SEMA6A: variants seen among roughly 807,000 people sequenced by gnomAD.
SEMA6A encodes the protein semaphorin-6A.
In SEMA6A, 25 loss-of-function variants were observed where a neutral mutation model predicts 96.8. The ratio of observed to expected loss-of-function variants is 0.26; its 90% CI spans 0.19 to 0.36. The LOEUF is 0.36. SEMA6A is among the 10% of genes least tolerant of loss of function. The pLI is 1.00. For missense variants in SEMA6A, 1,363 were observed against 1,323.1 expected (o/e 1.03, Z -0.47); for synonymous variants, 612 against 518.0 (o/e 1.18, Z -2.46).
intron 10 of SEMA6A, among the ~76,000 whole-genome samples, chr5:116,484,868 G>T (rs1162335908): frequency 6.6e-6 from 1 of 152,202 alleles, no homozygotes; most frequent in Non-Finnish European, 1.5e-5. Flanking sequence ...ATCAGCCCAT[G>T]GCACAGGCTG....
intron 18 of SEMA6A, among the ~76,000 whole-genome samples, chr5:116,462,348 C>G (rs1402935887): frequency 6.6e-6 from 1 of 152,042 alleles, no homozygotes; most frequent in East Asian, 1.9e-4. Flanking sequence ...ATTGCCAGGC[C>G]GGGCAACACT....
intron 18 of SEMA6A, among the ~76,000 whole-genome samples, chr5:116,459,855 A>G (rs970314355): frequency 6.6e-6 from 1 of 152,160 alleles, no homozygotes; most frequent in Non-Finnish European, 1.5e-5. Flanking sequence ...TGAAATTCAA[A>G]TTAGTATCTT....
chr5:116,475,412 G>A, intron 16 of SEMA6A, 133 bp downstream of exon 16: 1 of 557,008 alleles, frequency 1.8e-6, no homozygotes, highest in Non-Finnish European at 3.1e-6. Flanking sequence ...TTGGTATTTA[G>A]AAGATGATTT....
intron 6 of SEMA6A, among the ~76,000 whole-genome samples, chr5:116,494,514 C>G (rs62376160): frequency 0.071 from 10,772 of 152,174 alleles, 411 homozygotes; most frequent in African/African-American, 0.091. Flanking sequence ...TTTGAAGACA[C>G]GGGGTCATCC....
At chr5:116,563,770 A>G (rs1760914570) in intron 1 of SEMA6A, among the ~76,000 whole-genome samples, 1 of 152,178 alleles carries the variant, frequency 6.6e-6, no homozygotes, top group Non-Finnish European at 1.5e-5. Flanking sequence ...CCTCCATTCC[A>G]TGTCTTTTGT....
chr5:116,495,534 GTT>G lies in SEMA6A; in HGVS notation c.343-22_343-21del. 6.6e-7 allele frequency: 1 copy of G among 1,513,428 alleles called. No homozygotes were observed. Among genetic ancestry groups the G allele is most frequent in the Non-Finnish European group, 9.1e-7 (1 of 1,104,814 alleles). The allele number at this position is 1,513,428 out of a possible 1,614,324, so 93.7% of individuals were successfully genotyped here. On this transcript the variant is annotated intron_variant, in intron 5 of 18. Transcript: ENST00000343348. The stretch of plus-strand genomic sequence containing the variant: ...CTCATCCTGAAAAATAATTCAAACT[GTT>G]TTGTATCATGTCCATTCAGTACAGA...
intron 10 of SEMA6A, 51 bp downstream of exon 10, chr5:116,486,698 G>T: frequency 6.8e-7 from 1 of 1,473,070 alleles, no homozygotes; most frequent in Non-Finnish European, 9.5e-7. Context: ...CCCCCTGGGA[G>T]AAGGAAGCCA....
intron 1 of SEMA6A, among the ~76,000 whole-genome samples, chr5:116,524,021 T>G (rs1239249142): frequency 6.6e-6 from 1 of 152,218 alleles, no homozygotes; most frequent in Middle Eastern, 3.2e-3. Context: ...CATTGAAACC[T>G]ACCCTCATGC....
At position 116,443,979 on chromosome 5, in the gene SEMA6A, C is replaced by G. The variant is rs941099114; in HGVS notation, c.*2634G>C. The G allele has an allele frequency of 6.6e-6, 1 of 152,182 alleles. No individual in the cohort carries two copies. The highest frequency in any genetic ancestry group is 1.5e-5 in the Non-Finnish European group (1 of 68,052). The allele number at this position is 152,182 out of a possible 1,614,324, so 9.4% of individuals were successfully genotyped here. ...GTTTTGACACAGGTCTCCTTAACAGCTGAGGCAGTGATGCCTACAAACACT... is the reference window on the plus strand; with the variant it reads ...GTTTTGACACAGGTCTCCTTAACAGGTGAGGCAGTGATGCCTACAAACACT... On this transcript the variant is annotated 3_prime_UTR_variant, in exon 19 of 19. Coordinates refer to ENST00000343348, the MANE Select transcript of SEMA6A (RefSeq NM_020796.5).
chr5:116,467,360 A>C (rs1755823395), intron 18 of SEMA6A, among the ~76,000 whole-genome samples: 1 of 152,104 alleles, frequency 6.6e-6, no homozygotes, highest in Non-Finnish European at 1.5e-5. Flanking sequence ...GGAAGCTCAG[A>C]GGACATATTA....
chr5:116,464,605 G>A (rs929749241), intron 18 of SEMA6A, among the ~76,000 whole-genome samples: 1 of 152,272 alleles, frequency 6.6e-6, no homozygotes, highest in East Asian at 1.9e-4. Flanking sequence ...TCCACAGAGG[G>A]GCAGAGGGTT....
At chr5:116,472,883 A>G (rs768099873) in intron 17 of SEMA6A, 190 bp downstream of exon 17, 1 of 1,505,468 alleles carries the variant, frequency 6.6e-7, no homozygotes, top group Non-Finnish European at 8.8e-7. Context: ...CCGTAAACTG[A>G]CCATACACTG....
At chr5:116,459,604 C>A (rs1344476077) in intron 18 of SEMA6A, among the ~76,000 whole-genome samples, 1 of 152,146 alleles carries the variant, frequency 6.6e-6, no homozygotes, top group Non-Finnish European at 1.5e-5. Flanking sequence ...TGGTCATGGA[C>A]TTTATTCAGC....
intron 18 of SEMA6A, among the ~76,000 whole-genome samples, chr5:116,450,442 G>A (rs1039699042): frequency 6.6e-6 from 1 of 152,218 alleles, no homozygotes; most frequent in East Asian, 1.9e-4. Flanking sequence ...AGTAAAGCTA[G>A]AGCAATTCAT....
intron 3 of SEMA6A, among the ~76,000 whole-genome samples, chr5:116,500,246 A>T (rs376988891): frequency 1.3e-5 from 2 of 152,210 alleles, no homozygotes; most frequent in Non-Finnish European, 2.9e-5. Context: ...TACCAGCTCT[A>T]TTCCTCAGTA....
chr5:116,494,503 G>C (rs966253837), intron 6 of SEMA6A, among the ~76,000 whole-genome samples: 6 of 152,220 alleles, frequency 3.9e-5, no homozygotes, highest in African/African-American at 1.2e-4. Flanking sequence ...AGGTAGGAAA[G>C]TTTGAAGACA....
rs1755845461 is a variant in SEMA6A, at chr5:116,467,660, C to A, written c.1817G>T (p.Trp606Leu). ...GYESRGGMLD[W>L]KHLLDSPDST... ...GTCAGGTGAGTCAAGCAGATGCTTCCAGTCCAGCATTCCTCCCCTAGACTC... is the reference window on the plus strand; with the variant it reads ...GTCAGGTGAGTCAAGCAGATGCTTCAAGTCCAGCATTCCTCCCCTAGACTC... The change falls in exon 18 of 19, where the codon TGG (tryptophan) becomes TTG (leucine). Residue 606 changes from tryptophan to leucine, a missense_variant. Trp to Leu is a moderately conservative substitution (Grantham distance 61). Around this residue, in one of 2 missense-constraint regions of SEMA6A, gnomAD observed 883 missense variants for 763.6 expected, o/e 1.16. Coordinates refer to ENST00000343348, the MANE Select transcript of SEMA6A (RefSeq NM_020796.5). 1.2e-6 allele frequency: 2 copies of A among 1,613,632 alleles called. No individual in the cohort carries two copies. The highest frequency in any genetic ancestry group is 2.7e-5 in the African/African-American group (2 of 74,864).
At chr5:116,495,941 G>A (rs763135513) in intron 5 of SEMA6A, 7 of 359,732 alleles carry the variant, frequency 1.9e-5, no homozygotes, top group Admixed American at 9.0e-5. Flanking sequence ...CTCCCTGTGG[G>A]CCTTGGACTG....
At chr5:116,559,036 C>G (rs894591522) in intron 1 of SEMA6A, among the ~76,000 whole-genome samples, 2 of 152,142 alleles carry the variant, frequency 1.3e-5, no homozygotes, top group Non-Finnish European at 2.9e-5. Flanking sequence ...GATCATTTAG[C>G]GCTTGGTCCT....
Sources: allele counts gnomAD v4.1 joint callset (sites outside exome capture counted in the v4.1 genomes callset), GRCh38; gene constraint gnomAD v4.1.1; regional missense constraint gnomAD v4.1.1; transcripts MANE v1.5; gene names NCBI Gene and HGNC (gene_info 2026-07-23, HGNC 2026-07-21).